CFAP77: variants seen among roughly 807,000 people sequenced by gnomAD.
CFAP77 encodes cilia- and flagella-associated protein 77.
CFAP77 carries 25 observed loss-of-function variants against 31.1 expected under a neutral mutation model. The observed-to-expected ratio is 0.80, with a 90% CI of 0.59 to 1.12. The LOEUF is 1.12. CFAP77 is among the 50% of genes most tolerant of loss of function. CFAP77 has a pLI of 0.00. For missense variants in CFAP77, 377 were observed against 397.3 expected (o/e 0.95, Z 0.44); for synonymous variants, 151 against 159.9 (o/e 0.94, Z 0.42).
intron 1 of CFAP77, among the ~76,000 whole-genome samples, chr9:132,448,169 G>T (rs968431850): frequency 6.1e-5 from 9 of 148,568 alleles, no homozygotes; most frequent in African/African-American, 2.3e-4. Context: ...ATACACACAC[G>T]CACACATGCA....
In CFAP77 at chr9:132,502,544, A is replaced by G. The variant is rs570077594; in HGVS notation, c.524+2944A>G. 3.6e-4 allele frequency among the ~76,000 whole-genome samples: 55 copies of G among 151,192 alleles called. 1 individual carries two copies. The highest frequency in any genetic ancestry group is 1.2e-3 in the African/African-American group (51 of 41,152). On this transcript the variant is annotated intron_variant, in intron 3 of 5. Transcript: ENST00000393216. ...ACTTTCTGTTCCTATGAATTTGACTACTCTAGAGATCTCATATGCACGGAA... is the reference window on the plus strand; with the variant it reads ...ACTTTCTGTTCCTATGAATTTGACTGCTCTAGAGATCTCATATGCACGGAA...
At chr9:132,543,150 A>G in intron 5 of CFAP77, 103 bp downstream of exon 5, 1 of 873,658 alleles carries the variant, frequency 1.1e-6, no homozygotes, top group Admixed American at 1.9e-5. Flanking sequence ...GCTTCTCACC[A>G]TCGATTAGTA....
chr9:132,458,357 G>GGAGTTT (rs139008147), intron 1 of CFAP77, among the ~76,000 whole-genome samples: 1 of 119,046 alleles, frequency 8.4e-6, no homozygotes, highest in African/African-American at 3.2e-5. Context: ...GAGGGGGGGG[G>GGAGTTT]GTGTGTATGG....
intron 3 of CFAP77, among the ~76,000 whole-genome samples, chr9:132,519,427 AGTGGGTGGGTGGATGC>A (rs1852210121): frequency 6.4e-5 from 1 of 15,610 alleles, no homozygotes; most frequent in Non-Finnish European, 1.2e-4. Context: ...TGGATGGATG[AGTGGGTGGGTGGATGC>A]ATGGATGGAT....
At chr9:132,482,475 C>A in intron 1 of CFAP77, 1 of 1,397,956 alleles carries the variant, frequency 7.2e-7, no homozygotes, top group Non-Finnish European at 1.0e-6. Context: ...AAAAGAGGGG[C>A]CCCTCCCGGC....
chr9:132,486,091 T>TATA lies in CFAP77; in HGVS notation c.196-12604_196-12603insATA, dbSNP rs1491144658. ...GTATATATATATATATATATATATATTTTTTTTTTTTTTTTTTTTGAGACG... is the reference window on the plus strand; with the variant it reads ...GTATATATATATATATATATATATATATATTTTTTTTTTTTTTTTTTTGAGACG... On this transcript the variant is annotated intron_variant, in intron 1 of 5. Coordinates refer to ENST00000393216, the MANE Select transcript of CFAP77 (RefSeq NM_001282957.2). 2.0e-3 allele frequency among the ~76,000 whole-genome samples: 31 copies of TATA among 15,540 alleles called. 4 individuals are homozygous for TATA. The highest frequency in any genetic ancestry group is 5.6e-3 in the African/African-American group (18 of 3,222). The allele number at this position is 15,540 out of a possible 152,430, so 10.2% of individuals were successfully genotyped here.
chr9:132,456,871 C>T (rs1589860810), intron 1 of CFAP77, among the ~76,000 whole-genome samples: 1 of 152,246 alleles, frequency 6.6e-6, no homozygotes, highest in Non-Finnish European at 1.5e-5. Context: ...ATGCCTCAGC[C>T]TCCTGAGTAG....
At chr9:132,411,201 TG>T (rs1039648319) in intron 1 of CFAP77, among the ~76,000 whole-genome samples, 131 of 152,096 alleles carry the variant, frequency 8.6e-4, no homozygotes, top group Middle Eastern at 3.4e-3. Context: ...GGCTGAGGCT[TG>T]GGGGTCAGGG....
chr9:132,489,279 C>G (rs1851615385), intron 1 of CFAP77, among the ~76,000 whole-genome samples: 1 of 152,176 alleles, frequency 6.6e-6, no homozygotes, highest in Admixed American at 6.5e-5. Context: ...TGAAAGGGGT[C>G]TCTTCTCTTT....
intron 3 of CFAP77, among the ~76,000 whole-genome samples, chr9:132,510,392 C>T (rs543410409): frequency 6.6e-6 from 1 of 152,350 alleles, no homozygotes; most frequent in South Asian, 2.1e-4. Flanking sequence ...CCTCTTATCG[C>T]CTCTACAGCC....
At chr9:132,451,273 G>C (rs1280774404) in intron 1 of CFAP77, among the ~76,000 whole-genome samples, 1 of 151,462 alleles carries the variant, frequency 6.6e-6, no homozygotes, top group Non-Finnish European at 1.5e-5. Context: ...GGGAGGCGGA[G>C]GTTGCAGTGA....
At chr9:132,560,317 T>A (rs1219932383) in intron 5 of CFAP77, among the ~76,000 whole-genome samples, 2 of 152,156 alleles carry the variant, frequency 1.3e-5, no homozygotes, top group East Asian at 3.8e-4. Context: ...GTCTGCTGTG[T>A]CCTCCACTAC....
intron 1 of CFAP77, among the ~76,000 whole-genome samples, chr9:132,458,349 G>GC (rs1491445913): frequency 5.3e-5 from 6 of 114,104 alleles, no homozygotes; most frequent in Non-Finnish European, 9.5e-5. Context: ...TGGCGGGGGA[G>GC]GGGGGGGGGT....
intron 1 of CFAP77, among the ~76,000 whole-genome samples, chr9:132,461,295 G>A (rs942336902): frequency 6.6e-6 from 1 of 152,242 alleles, no homozygotes; most frequent in African/African-American, 2.4e-5. Context: ...CGCATTGGAC[G>A]AGGTGTGTGG....
At chr9:132,447,598 C>G (rs867707748) in intron 1 of CFAP77, among the ~76,000 whole-genome samples, 1 of 152,186 alleles carries the variant, frequency 6.6e-6, no homozygotes, top group Non-Finnish European at 1.5e-5. Context: ...GCGGTCGGTC[C>G]GCGTAGATCA....
At chr9:132,510,819 G>C (rs1300068403) in intron 3 of CFAP77, among the ~76,000 whole-genome samples, 1 of 152,168 alleles carries the variant, frequency 6.6e-6, no homozygotes. Flanking sequence ...ATGAATAATA[G>C]TGCCAGTTTC....
At chr9:132,557,801 C>T (rs1167478940) in intron 5 of CFAP77, among the ~76,000 whole-genome samples, 2 of 152,158 alleles carry the variant, frequency 1.3e-5, no homozygotes, top group Non-Finnish European at 2.9e-5. Context: ...CCCCTTGCTC[C>T]AACCTACCTG....
chr9:132,516,312 G>A (rs924821644), intron 3 of CFAP77, among the ~76,000 whole-genome samples: 4 of 152,242 alleles, frequency 2.6e-5, no homozygotes, highest in African/African-American at 9.6e-5. Flanking sequence ...ACCATTTTAG[G>A]GCAGTAGTCA....
intron 5 of CFAP77, among the ~76,000 whole-genome samples, chr9:132,547,969 C>CA (rs761883409): frequency 4.1e-4 from 62 of 152,306 alleles, no homozygotes; most frequent in Non-Finnish European, 7.9e-4. Flanking sequence ...CCACACAAAG[C>CA]AGACGGTACA....
Sources: allele counts gnomAD v4.1 joint callset (sites outside exome capture counted in the v4.1 genomes callset), GRCh38; gene constraint gnomAD v4.1.1; transcripts MANE v1.5; gene names NCBI Gene and HGNC (gene_info 2026-07-23, HGNC 2026-07-21).